Variants in PLOD2 observed in about 807,000 individuals in gnomAD.
The protein encoded by PLOD2 is procollagen-lysine,2-oxoglutarate 5-dioxygenase 2.
Under a neutral mutation model 101.0 loss-of-function variants are expected in PLOD2, and 65 were observed. That is an observed-to-expected ratio of 0.64 (90% CI 0.53 to 0.79). The LOEUF (loss-of-function observed/expected upper bound fraction) is 0.79. Ranked by LOEUF, PLOD2 falls within the 30% of genes least tolerant of loss-of-function variation. The pLI, the probability that PLOD2 is intolerant of heterozygous loss-of-function variation, is 0.00. For missense variants in PLOD2, 909 were observed against 914.6 expected (o/e 0.99, Z 0.08); for synonymous variants, 314 against 302.9 (o/e 1.04, Z -0.38).
intron 5 of PLOD2, among the ~76,000 whole-genome samples, chr3:146,104,745 G>A (rs1186014756): frequency 6.6e-6 from 1 of 152,064 alleles, no homozygotes; most frequent in African/African-American, 2.4e-5. Context: ...TCTCTCTAGG[G>A]TCTATGGAAG....
intron 1 of PLOD2, among the ~76,000 whole-genome samples, chr3:146,145,673 T>C (rs901973327): frequency 6.6e-6 from 1 of 152,166 alleles, no homozygotes; most frequent in Non-Finnish European, 1.5e-5. Context: ...GTTATGGTAG[T>C]CCACAAAGTT....
intron 1 of PLOD2, among the ~76,000 whole-genome samples, chr3:146,140,881 A>G (rs1192653935): frequency 1.3e-5 from 2 of 152,002 alleles, no homozygotes; most frequent in African/African-American, 2.4e-5. Flanking sequence ...GTTTATTCCT[A>G]TAATAAGTGG....
intron 1 of PLOD2, among the ~76,000 whole-genome samples, chr3:146,157,591 C>T (rs1455052019): frequency 6.6e-6 from 1 of 152,182 alleles, no homozygotes. Context: ...CTTCCATCAA[C>T]GGTCAATTCC....
At chr3:146,097,111 T>C (rs1188931097) in intron 7 of PLOD2, among the ~76,000 whole-genome samples, 4 of 106,914 alleles carry the variant, frequency 3.7e-5, no homozygotes, top group South Asian at 3.4e-4. Context: ...CCAGTCGCCC[T>C]GTCCAGGAGG....
intron 15 of PLOD2, among the ~76,000 whole-genome samples, chr3:146,074,169 G>A (rs1936247816): frequency 6.6e-6 from 1 of 151,260 alleles, no homozygotes; most frequent in Non-Finnish European, 1.5e-5. Context: ...TTATTTTATT[G>A]GGACAAGTTC....
chr3:146,115,334 T>A (rs1937857259), intron 3 of PLOD2, among the ~76,000 whole-genome samples: 1 of 152,170 alleles, frequency 6.6e-6, no homozygotes, highest in Admixed American at 6.5e-5. Context: ...CTACCTGATG[T>A]GGTCATACTG....
intron 4 of PLOD2, among the ~76,000 whole-genome samples, chr3:146,108,124 A>C (rs79442893): frequency 0.015 from 2,353 of 152,218 alleles, 65 homozygotes; most frequent in African/African-American, 0.054. Flanking sequence ...TGAAAAAAAA[A>C]CATCTATTTT....
intron 1 of PLOD2, among the ~76,000 whole-genome samples, chr3:146,152,419 CA>C (rs979725983): frequency 3.1e-4 from 43 of 140,822 alleles, no homozygotes; most frequent in African/African-American, 5.7e-4. Flanking sequence ...GACTCCGTCT[CA>C]AAAAAAAAAA....
At chr3:146,154,117 C>T (rs960025558) in intron 1 of PLOD2, among the ~76,000 whole-genome samples, 7 of 152,060 alleles carry the variant, frequency 4.6e-5, no homozygotes, top group African/African-American at 1.7e-4. Flanking sequence ...TTTGAAAATT[C>T]ACCAATGTTT....
intron 3 of PLOD2, among the ~76,000 whole-genome samples, chr3:146,115,849 T>C (rs1313174811): frequency 1.3e-5 from 2 of 152,158 alleles, no homozygotes; most frequent in South Asian, 2.1e-4. Context: ...TGTCACTGTG[T>C]TGCAAAAGCC....
chr3:146,152,201 C>A (rs560278544), intron 1 of PLOD2, among the ~76,000 whole-genome samples: 8 of 152,186 alleles, frequency 5.3e-5, no homozygotes, highest in Non-Finnish European at 1.2e-4. Flanking sequence ...GGTGGATCAT[C>A]TGAGGTCAGG....
intron 1 of PLOD2, among the ~76,000 whole-genome samples, chr3:146,159,960 CT>C (rs1465648531): frequency 6.6e-6 from 1 of 152,028 alleles, no homozygotes; most frequent in Non-Finnish European, 1.5e-5. Context: ...TGTCCTTAGG[CT>C]TAAGAAAAGT....
chr3:146,097,524 T>A (rs1937240540), intron 7 of PLOD2, among the ~76,000 whole-genome samples: 1 of 109,234 alleles, frequency 9.2e-6, no homozygotes, highest in African/African-American at 3.6e-5. Flanking sequence ...CTCTGAAACA[T>A]GTGCTGTGTC....
chr3:146,070,901 C>T, intron 19 of PLOD2, 29 bp from the exon 20 acceptor site: 1 of 1,578,354 alleles, frequency 6.3e-7, no homozygotes. Context: ...AGAAATACAT[C>T]AGATTATATT....
chr3:146,148,008 T>C (rs1170393), intron 1 of PLOD2, among the ~76,000 whole-genome samples: 104,473 of 152,036 alleles, frequency 0.69, 36,282 homozygotes, highest in East Asian at 0.8. Flanking sequence ...TCCTGAAACA[T>C]AGAACTTAAT....
chr3:146,148,334 G>GCACA (rs1553742411), intron 1 of PLOD2, among the ~76,000 whole-genome samples: 11 of 25,500 alleles, frequency 4.3e-4, no homozygotes, highest in East Asian at 1.3e-3. Flanking sequence ...AGGCAGGCAG[G>GCACA]CACGCACACA....
intron 13 of PLOD2, 50 bp downstream of exon 13, chr3:146,079,066 G>A (rs762652244): frequency 6.3e-7 from 1 of 1,585,184 alleles, no homozygotes; most frequent in Non-Finnish European, 8.7e-7. Flanking sequence ...AACTGGTAAA[G>A]CAAGCCATCT....
At chr3:146,153,090 A>G (rs987420324) in intron 1 of PLOD2, among the ~76,000 whole-genome samples, 3 of 152,156 alleles carry the variant, frequency 2.0e-5, no homozygotes, top group Admixed American at 6.5e-5. Flanking sequence ...TAGCCAGAGC[A>G]GGAGAAGAGG....
chr3:146,152,990 C>T (rs147292088), intron 1 of PLOD2, among the ~76,000 whole-genome samples: 57 of 152,298 alleles, frequency 3.7e-4, no homozygotes, highest in African/African-American at 1.3e-3. Context: ...CTTCTCTAGA[C>T]GTGGCCGGCA....
Sources: gnomAD v4.1 joint callset for allele counts (sites outside exome capture counted in the v4.1 genomes callset) on GRCh38, gnomAD v4.1.1 for gene constraint, MANE v1.5 for transcripts, NCBI Gene and HGNC (gene_info 2026-07-23, HGNC 2026-07-21) for gene names.